TRIM24: variants seen among roughly 807,000 people sequenced by gnomAD.
TRIM24 encodes tripartite motif containing 24.
A neutral mutation model predicts 123.9 loss-of-function variants in TRIM24; 29 were observed. That is an observed-to-expected ratio of 0.23 (90% CI 0.17 to 0.32). The LOEUF is 0.32. Ranked by LOEUF, TRIM24 falls within the 10% of genes least tolerant of loss-of-function variation. TRIM24 has a pLI of 1.00. For synonymous variants in TRIM24, 456 were observed against 461.1 expected (o/e 0.99, Z 0.14); for missense variants, 932 against 1,295.3 (o/e 0.72, Z 4.31).
chr7:138,585,010 T>G lies in TRIM24; in HGVS notation c.*59T>G. Reference sequence around the variant, plus strand: ...ATTTTTTTGTTTTCAAAAAAACATTTGTCAGTAATTTAACATCACTACAAA... The same window carrying G: ...ATTTTTTTGTTTTCAAAAAAACATTGGTCAGTAATTTAACATCACTACAAA... On this transcript the variant is annotated 3_prime_UTR_variant, in exon 19 of 19. Coordinates refer to ENST00000343526, the MANE Select transcript of TRIM24 (RefSeq NM_015905.3). 2.1e-6 allele frequency: 3 copies of G among 1,439,068 alleles called. No individual in the cohort carries two copies. Among genetic ancestry groups the G allele is most frequent in the Non-Finnish European group, 2.8e-6 (3 of 1,055,950 alleles). The allele number at this position is 1,439,068 out of a possible 1,614,324, so 89.1% of individuals were successfully genotyped here.
intron 4 of TRIM24, among the ~76,000 whole-genome samples, chr7:138,523,773 C>T (rs1159513640): frequency 1.5e-5 from 2 of 129,630 alleles, no homozygotes; most frequent in Non-Finnish European, 3.4e-5. Context: ...AAAAAAAAAG[C>T]CCCTTTCTTA....
At chr7:138,579,629 T>A in intron 15 of TRIM24, 97 bp downstream of exon 15, 1 of 1,007,854 alleles carries the variant, frequency 9.9e-7, no homozygotes, top group South Asian at 1.7e-5. Flanking sequence ...AAATTCCACT[T>A]GGCACAAGTG....
intron 7 of TRIM24, among the ~76,000 whole-genome samples, chr7:138,546,030 A>C (rs1023450248): frequency 2.0e-5 from 3 of 152,210 alleles, no homozygotes; most frequent in Non-Finnish European, 4.4e-5. Context: ...CATAGAGATA[A>C]TTTGGGAGGA....
At chr7:138,460,944 G>C in intron 1 of TRIM24, 32 bp downstream of exon 1, 1 of 1,399,330 alleles carries the variant, frequency 7.1e-7, no homozygotes, top group Non-Finnish European at 9.2e-7. Flanking sequence ...TGGGGAGCCC[G>C]GGGAGAGGGC....
At chr7:138,490,593 T>G (rs915092271) in intron 1 of TRIM24, 1 of 254,290 alleles carries the variant, frequency 3.9e-6, no homozygotes, top group East Asian at 1.2e-4. Flanking sequence ...ATTATTGGAC[T>G]GTGGTTCATA....
At chr7:138,500,803 G>A (rs1178879255) in intron 1 of TRIM24, among the ~76,000 whole-genome samples, 2 of 151,956 alleles carry the variant, frequency 1.3e-5, no homozygotes, top group Admixed American at 6.6e-5. Context: ...AACCTATGTG[G>A]TTTAGCCTAC....
rs781566895 is a variant in TRIM24 at position 138,570,999 on chromosome 7, C to T, written c.1874C>T (p.Pro625Leu). Residue 625 changes from proline (P) to leucine (L), a missense_variant, in exon 11 of 19, where the codon CCG becomes CTG. Coordinates refer to ENST00000343526, the MANE Select transcript of TRIM24 (RefSeq NM_015905.3). ...GGGTCTTATAATCTTCCCTCTCTTC[C>T]GGATGTAAGTAGACACAAAATTTAT... ...VGGSYNLPSL[P>L]DIDCSSTIML... 69 of 1,613,656 alleles carry T rather than the reference C, an allele frequency of 4.3e-5. No homozygotes were observed. Among genetic ancestry groups the T allele is most frequent in the Non-Finnish European group, 5.3e-5 (62 of 1,179,766 alleles).
chr7:138,489,237 G>A (rs1054599158), intron 1 of TRIM24, among the ~76,000 whole-genome samples: 1 of 152,156 alleles, frequency 6.6e-6, no homozygotes, highest in African/African-American at 2.4e-5. Flanking sequence ...GAGCCTATGT[G>A]TGTCTGTGCA....
intron 7 of TRIM24, among the ~76,000 whole-genome samples, chr7:138,542,436 A>G (rs571603919): frequency 9.8e-5 from 15 of 152,322 alleles, no homozygotes; most frequent in Admixed American, 4.6e-4. Flanking sequence ...TTGCTCTTAC[A>G]TGGGTGTGGT....
At chr7:138,528,756 T>C in intron 5 of TRIM24, among the ~76,000 whole-genome samples, 1 of 149,806 alleles carries the variant, frequency 6.7e-6, no homozygotes, top group Non-Finnish European at 1.5e-5. Flanking sequence ...ATCATCATGG[T>C]TTATAAATCC....
At chr7:138,540,603 C>T (rs1224924685) in intron 7 of TRIM24, among the ~76,000 whole-genome samples, 1 of 152,210 alleles carries the variant, frequency 6.6e-6, no homozygotes, top group African/African-American at 2.4e-5. Context: ...TCTACCACAT[C>T]TGTAATTCCT....
At chr7:138,546,859 C>T (rs915942876) in intron 7 of TRIM24, among the ~76,000 whole-genome samples, 5 of 152,058 alleles carry the variant, frequency 3.3e-5, no homozygotes, top group African/African-American at 1.2e-4. Context: ...ATTAGTACAA[C>T]CATAGAAAAC....
intron 1 of TRIM24, among the ~76,000 whole-genome samples, chr7:138,483,637 G>A (rs2116482485): frequency 6.6e-6 from 1 of 152,300 alleles, no homozygotes; most frequent in East Asian, 1.9e-4. Flanking sequence ...AGATGAAATT[G>A]ACAACAGTTT....
At chr7:138,520,216 A>G (rs1475228562) in intron 4 of TRIM24, among the ~76,000 whole-genome samples, 2 of 152,226 alleles carry the variant, frequency 1.3e-5, no homozygotes, top group Non-Finnish European at 2.9e-5. Flanking sequence ...AGGATCATGC[A>G]TGGTGAATGT....
chr7:138,534,086 T>C (rs1796811487), intron 6 of TRIM24, among the ~76,000 whole-genome samples: 1 of 151,984 alleles, frequency 6.6e-6, no homozygotes, highest in South Asian at 2.1e-4. Context: ...TTTTATTGCG[T>C]CTGTTTGATT....
chr7:138,557,268 C>T (rs902817574), intron 9 of TRIM24, among the ~76,000 whole-genome samples: 4 of 152,114 alleles, frequency 2.6e-5, no homozygotes, highest in African/African-American at 9.7e-5. Flanking sequence ...AACTTGTTTT[C>T]CTCTTTTTAA....
At chr7:138,557,473 G>C (rs1797338685) in intron 9 of TRIM24, among the ~76,000 whole-genome samples, 1 of 152,162 alleles carries the variant, frequency 6.6e-6, no homozygotes. Context: ...TTAACAAGGA[G>C]GGGTAAGAGA....
chr7:138,581,807 G>A lies in TRIM24; in HGVS notation c.2793+36G>A, dbSNP rs771773736. On this transcript the variant is annotated intron_variant, in intron 17 of 18. Coordinates refer to ENST00000343526, the MANE Select transcript of TRIM24 (RefSeq NM_015905.3). ...ATGTCATTTTCTGCATGTTTACACA[G>A]TGGAATGCTTTTCTGGAATTTTATG... 25 of 1,510,156 alleles carry A rather than the reference G, an allele frequency of 1.7e-5. No homozygotes were observed. The South Asian group carries it at 3.0e-4, about 18-fold the overall frequency. 93.5% of individuals were successfully genotyped at this position (1,510,156 alleles called of 1,614,324 possible). A position where few individuals can be genotyped will look rare whatever the true frequency, so the allele number is the denominator to read the frequency against.
intron 13 of TRIM24, among the ~76,000 whole-genome samples, chr7:138,576,929 T>C (rs1047599777): frequency 1.1e-4 from 17 of 152,218 alleles, no homozygotes; most frequent in African/African-American, 4.1e-4. Context: ...CTTTATCATA[T>C]GGAAGAATTG....
Sources: gnomAD v4.1 joint callset for allele counts (sites outside exome capture counted in the v4.1 genomes callset) on GRCh38, gnomAD v4.1.1 for gene constraint, MANE v1.5 for transcripts, NCBI Gene and HGNC (gene_info 2026-07-23, HGNC 2026-07-21) for gene names.